The following NELFA variants were observed in gnomAD, a reference collection of about 807,000 sequenced individuals.
The protein encoded by NELFA is negative elongation factor A.
Under a neutral mutation model 51.8 loss-of-function variants are expected in NELFA, and 35 were observed. The ratio of observed to expected loss-of-function variants is 0.68; its 90% confidence interval spans 0.52 to 0.90. The LOEUF (loss-of-function observed/expected upper bound fraction) is 0.90, where lower values mean the gene tolerates loss of function less well. Ranked by LOEUF, NELFA falls within the 40% of genes least tolerant of loss-of-function variation. NELFA has a pLI of 0.00. For missense variants in NELFA, 658 were observed against 746.4 expected (o/e 0.88, Z 1.38); for synonymous variants, 417 against 338.4 (o/e 1.23, Z -2.55).
rs540364457 is a variant in NELFA, at chr4:1,988,557, G to A, written c.545-550C>T. Among the ~76,000 whole-genome samples the A allele has an allele frequency of 1.4e-3, 206 of 152,338 alleles. 3 individuals carry two copies. The highest frequency in any genetic ancestry group is 4.7e-3 in the African/African-American group (195 of 41,578). ...CTACCCAGTGGGCCCGGGGCTGCAC[G>A]GAGCCTCCCGGACAGCGCTGGGCCC... On this transcript the variant is annotated intron_variant, in intron 3 of 10. Transcript: ENST00000382882.
intron 7 of NELFA, among the ~76,000 whole-genome samples, chr4:1,985,377 C>T (rs926756137): frequency 6.6e-6 from 1 of 152,200 alleles, no homozygotes; most frequent in African/African-American, 2.4e-5. Context: ...TGGCTGCCTC[C>T]CACCCGCAGG....
In NELFA at chr4:1,983,094, A is replaced by G. The variant is rs1727942262; in HGVS notation, c.*225T>C. The G allele has an allele frequency of 2.2e-6, 1 of 447,608 alleles. No homozygotes were observed. The allele number at this position is 447,608 out of a possible 1,614,324, so 27.7% of individuals were successfully genotyped here. On this transcript the variant is annotated 3_prime_UTR_variant, in exon 11 of 11. Transcript: ENST00000382882. ...TTCAAAAATGTAACGTTGAGTCCAA[A>G]AAGTGTCTTAAATCACACAAAAAAG...
Position 1,983,376 on chromosome 4 carries a change from A to G in NELFA, c.1530T>C (p.Tyr510=). 1 of 1,614,200 alleles carries G rather than the reference A, an allele frequency of 6.2e-7. No homozygotes were observed. The highest frequency in any genetic ancestry group is 1.3e-5 in the African/African-American group (1 of 75,058). Residue 510 remains tyrosine (Y), a synonymous_variant, in exon 11 of 11, where the codon TAT becomes TAC. Transcript: ENST00000382882. ...MLVDTVFEMN[Y]ATGQWTRFKK... is the part of the protein sequence containing the mutation. The stretch of plus-strand genomic sequence containing the variant: ...TGAAGCGCGTCCACTGGCCCGTGGC[A>G]TAGTTCATCTCAAACACTGTGTCCA...
At position 1,987,975 on chromosome 4, in the gene NELFA, C is replaced by A; in HGVS notation, c.577G>T (p.Ala193Ser). The A allele has an allele frequency of 1.2e-6, 2 of 1,611,196 alleles. No individual in the cohort carries two copies. Among genetic ancestry groups the A allele is most frequent in the Non-Finnish European group, 1.7e-6 (2 of 1,179,750 alleles). Residue 193 changes from alanine (A) to serine (S), a missense_variant, in exon 4 of 11, where the codon GCC becomes TCC. Coordinates refer to ENST00000382882, the MANE Select transcript of NELFA (RefSeq NM_005663.5). ...CCCTTGGCGTGGAAGGGCACCCCGG[C>A]GCTCCGCTTCAACTGCTGGGCGGTC... ...TETAQQLKRS[A>S]GVPFHAKGRG...
intron 1 of NELFA, among the ~76,000 whole-genome samples, chr4:1,996,236 A>G (rs1291560932): frequency 6.6e-6 from 1 of 152,234 alleles, no homozygotes; most frequent in Non-Finnish European, 1.5e-5. Context: ...AAACAAAACT[A>G]TCTTCCCCTC....
intron 1 of NELFA, among the ~76,000 whole-genome samples, chr4:1,997,859 C>A (rs764609644): frequency 8.5e-5 from 13 of 152,126 alleles, no homozygotes; most frequent in Non-Finnish European, 1.6e-4. Context: ...GTCAGACACC[C>A]TATACAGCAG....
At chr4:1,990,649 A>C (rs1728245027) in intron 2 of NELFA, 2 of 384,374 alleles carry the variant, frequency 5.2e-6, no homozygotes, top group South Asian at 3.8e-5. Flanking sequence ...CCATCCCACA[A>C]CCCTGTCTCT....
In NELFA at chr4:1,986,325, G is replaced by A. The variant is rs1260088656; in HGVS notation, c.712C>T (p.Arg238Trp). The change falls in exon 5 of 11, where the codon CGG becomes TGG. Residue 238 changes from arginine to tryptophan, a missense_variant. Around this residue, in one of 3 missense-constraint regions of NELFA, gnomAD observed 371 missense variants for 448.3 expected, o/e 0.83. Transcript: ENST00000382882. ...APSVFSPTGN[R>W]TPIPPSRTLL... ...GTCCTGGAAGGCGGGATGGGGGTCC[G>A]GTTCCCTGTGGGGCTGAAGACGCTG... 2 of 1,597,562 alleles carry A rather than the reference G, an allele frequency of 1.3e-6. No individual in the cohort carries two copies. The highest frequency in any genetic ancestry group is 2.3e-5 in the East Asian group (1 of 43,986).
Position 1,983,284 on chromosome 4 carries a change from C to G in NELFA, c.*35G>C. 6.3e-7 allele frequency: 1 copy of G among 1,592,858 alleles called. No homozygotes were observed. Among genetic ancestry groups the G allele is most frequent in the Non-Finnish European group, 8.6e-7 (1 of 1,165,320 alleles). On this transcript the variant is annotated 3_prime_UTR_variant, in exon 11 of 11. Transcript: ENST00000382882. ...TGGCAAAGCCATCGTCCCGTGGACCCCCACAAGTGACGGCCAGCTGTGAGG... is the reference window on the plus strand; with the variant it reads ...TGGCAAAGCCATCGTCCCGTGGACCGCCACAAGTGACGGCCAGCTGTGAGG...
intron 2 of NELFA, among the ~76,000 whole-genome samples, chr4:1,991,061 A>G (rs960105306): frequency 6.6e-6 from 1 of 152,220 alleles, no homozygotes; most frequent in African/African-American, 2.4e-5. Context: ...AGCCTCCCAA[A>G]GTGCTGGGGT....
At chr4:1,994,865 AT>A (rs1728380311) in intron 1 of NELFA, among the ~76,000 whole-genome samples, 1 of 150,780 alleles carries the variant, frequency 6.6e-6, no homozygotes, top group South Asian at 2.1e-4. Flanking sequence ...AAAAAAAAAA[AT>A]TAAAAATAAA....
chr4:1,986,483 C>T (rs752571646), intron 4 of NELFA, 81 bp from the exon 5 acceptor site: 3 of 1,600,284 alleles, frequency 1.9e-6, no homozygotes, highest in Admixed American at 1.7e-5. Context: ...GTCCCACCCT[C>T]TTCTAGGCTA....
Position 1,983,860 on chromosome 4 carries a change from G to T in NELFA, c.1290C>A (p.Asn430Lys). The T allele has an allele frequency of 6.3e-7, 1 of 1,576,214 alleles. No individual in the cohort carries two copies. The highest frequency in any genetic ancestry group is 8.6e-7 in the Non-Finnish European group (1 of 1,160,814). The change falls in exon 9 of 11, where the codon AAC (asparagine) becomes AAA (lysine). Residue 430 changes from asparagine (N) to lysine (K), a missense_variant. Around this residue, in one of 3 missense-constraint regions of NELFA, gnomAD observed 200 missense variants for 167.9 expected, o/e 1.19. Transcript: ENST00000382882. ...QAPAQQQPKK[N>K]LSLTREQMFA... ...AGTGTACACCTACCGTGAGGGACAG[G>T]TTCTTCTTAGGCTGCTGCTGAGCAG...
At chr4:1,985,749 G>C in intron 7 of NELFA, 27 bp downstream of exon 7, 1 of 1,603,316 alleles carries the variant, frequency 6.2e-7, no homozygotes. Context: ...AGTGGTGCCA[G>C]ACATGGGGTG....
Position 1,984,885 on chromosome 4 carries a change from G to A in NELFA, c.959C>T (p.Pro320Leu). 1.3e-6 allele frequency: 2 copies of A among 1,578,836 alleles called. No homozygotes were observed. The highest frequency in any genetic ancestry group is 1.7e-6 in the Non-Finnish European group (2 of 1,161,454). Reference sequence around the variant, plus strand: ...CGTGGAGGGAAGGTAGCTCGTGGAGGGCAGCGCAGGCTCATTGTTCAGGGA... The same window carrying A: ...CGTGGAGGGAAGGTAGCTCGTGGAGAGCAGCGCAGGCTCATTGTTCAGGGA... ...LGSLNNEPAL[P>L]STSYLPSTPS... The change falls in exon 8 of 11, where the codon CCC (proline) becomes CTC (leucine). Residue 320 changes from proline to leucine, a missense_variant. Pro to Leu is a moderately conservative substitution (Grantham distance 98). Coordinates refer to ENST00000382882, the MANE Select transcript of NELFA (RefSeq NM_005663.5).
rs753656180 is a variant in NELFA at position 1,991,532 on chromosome 4, A to G, written c.382+12T>C. 67 of 1,613,280 alleles carry G rather than the reference A, an allele frequency of 4.2e-5. No homozygotes were observed. The highest frequency in any genetic ancestry group is 1.0e-4 in the Admixed American group (6 of 59,932). ...CCCTCCACCCAACATGAATTAAAGC[A>G]GCACAACATACCCTTTTCTCTAAGT... On this transcript the variant is annotated intron_variant, in intron 2 of 10. Coordinates refer to ENST00000382882, the MANE Select transcript of NELFA (RefSeq NM_005663.5).
chr4:1,984,956 C>G lies in NELFA; in HGVS notation c.925-37G>C, dbSNP rs1477174078. The G allele has an allele frequency of 6.2e-6, 9 of 1,463,068 alleles. No homozygotes were observed. The African/African-American group carries it at 1.1e-4, about 18-fold the overall frequency. The allele number at this position is 1,463,068 out of a possible 1,614,324, so 90.6% of individuals were successfully genotyped here. On this transcript the variant is annotated intron_variant, in intron 7 of 10. Coordinates refer to ENST00000382882, the MANE Select transcript of NELFA (RefSeq NM_005663.5). ...AGTTTAAGGTTCCTTCCAGAAGAGGCCATGCTTCCGGCATGTGCTAACACA... is the reference window on the plus strand; with the variant it reads ...AGTTTAAGGTTCCTTCCAGAAGAGGGCATGCTTCCGGCATGTGCTAACACA...
In NELFA at chr4:1,983,715, G is replaced by A. The variant is rs1727978437; in HGVS notation, c.1303-20C>T. On this transcript the variant is annotated intron_variant, in intron 9 of 10. Transcript: ENST00000382882. The stretch of plus-strand genomic sequence containing the variant: ...CTCTCTCTACAGCGGGGAGAGGGGT[G>A]TGGGTGCCAGGGCCCCGCCAGGACC... The A allele has an allele frequency of 1.9e-6, 3 of 1,612,594 alleles. No homozygotes were observed. The highest frequency in any genetic ancestry group is 2.2e-5 in the East Asian group (1 of 44,884).
chr4:1,984,050 G>A lies in NELFA; in HGVS notation c.1100C>T (p.Pro367Leu). The change falls in exon 9 of 11, where the codon CCA becomes CTA. Residue 367 changes from proline to leucine, a missense_variant. Pro to Leu is a moderately conservative substitution (Grantham distance 98). This residue lies in a region of NELFA where 200 missense variants were observed against 167.9 expected (regional missense o/e 1.19). Transcript: ENST00000382882. ...EEPSAPSPTL[P>L]AQFKQRAPMY... Reference sequence around the variant, plus strand: ...GGGCGCCCGCTGCTTGAACTGCGCTGGCAACGTGGGGCTCGGGGCGCTGGG... The same window carrying A: ...GGGCGCCCGCTGCTTGAACTGCGCTAGCAACGTGGGGCTCGGGGCGCTGGG... 1 of 1,603,792 alleles carries A rather than the reference G, an allele frequency of 6.2e-7. No homozygotes were observed.
Sources: gnomAD v4.1 joint callset for allele counts (sites outside exome capture counted in the v4.1 genomes callset) on GRCh38, gnomAD v4.1.1 for gene constraint, gnomAD v4.1.1 regional missense constraint, MANE v1.5 for transcripts, NCBI Gene and HGNC (gene_info 2026-07-23, HGNC 2026-07-21) for gene names.